The following PCDHA7 variants were observed in gnomAD, a reference collection of about 807,000 sequenced individuals.
PCDHA7 encodes the protein protocadherin alpha-7.
Under a neutral mutation model 57.2 loss-of-function variants are expected in PCDHA7, and 37 were observed. The observed-to-expected ratio is 0.65, with a 90% confidence interval of 0.50 to 0.85. The LOEUF is 0.85. Ranked by LOEUF, PCDHA7 falls within the 40% of genes least tolerant of loss-of-function variation. The pLI, the probability that PCDHA7 is intolerant of heterozygous loss-of-function variation, is 0.00. For missense variants in PCDHA7, 1,188 were observed against 1,241.8 expected (o/e 0.96, Z 0.65); for synonymous variants, 553 against 558.8 (o/e 0.99, Z 0.15).
chr5:140,939,028 C>T (rs1231920381), intron 1 of PCDHA7, among the ~76,000 whole-genome samples: 6 of 152,098 alleles, frequency 3.9e-5, no homozygotes, highest in East Asian at 1.9e-4. Context: ...TTTACTTATT[C>T]GGAAGAGTTG....
intron 1 of PCDHA7, among the ~76,000 whole-genome samples, chr5:140,903,607 A>G (rs938837767): frequency 6.6e-6 from 1 of 152,254 alleles, no homozygotes; most frequent in Non-Finnish European, 1.5e-5. Context: ...TGCTTAATAC[A>G]CATGAATGTG....
intron 1 of PCDHA7, chr5:140,856,437 C>T (rs2043996083): frequency 1.9e-6 from 3 of 1,598,304 alleles, no homozygotes; most frequent in Non-Finnish European, 1.7e-6. Flanking sequence ...GACAACCCGC[C>T]CAGGTTCTCC....
At position 140,850,532 on chromosome 5, in the gene PCDHA7, G is replaced by A. The variant is rs140380568; in HGVS notation, c.2355+13794G>A. 9.4e-6 allele frequency: 15 copies of A among 1,598,364 alleles called. 1 individual carries two copies. Among genetic ancestry groups the A allele is most frequent in the Admixed American group, 6.7e-5 (4 of 59,316 alleles). ...AGAGCGGCCAGGCGCCAAAGTCATC[G>A]TCGCGGGCGTCAGTGGGTGCCACGG... On this transcript the variant is annotated intron_variant, in intron 1 of 3. Transcript: ENST00000525929.
chr5:140,992,463 C>T (rs1416840803), intron 3 of PCDHA7, among the ~76,000 whole-genome samples: 1 of 152,162 alleles, frequency 6.6e-6, no homozygotes, highest in Non-Finnish European at 1.5e-5. Flanking sequence ...GAGGACAGTA[C>T]TCTTTAGATC....
chr5:140,978,240 C>G (rs1290697340), intron 1 of PCDHA7, among the ~76,000 whole-genome samples: 1 of 152,174 alleles, frequency 6.6e-6, no homozygotes, highest in African/African-American at 2.4e-5. Flanking sequence ...TGGATTTCAG[C>G]TACTCCCTGT....
intron 1 of PCDHA7, among the ~76,000 whole-genome samples, chr5:140,897,559 G>A (rs1554187454): frequency 6.6e-6 from 1 of 152,026 alleles, no homozygotes; most frequent in African/African-American, 2.4e-5. Context: ...TGGTGTATAT[G>A]TGCCACATTT....
chr5:140,951,145 T>G (rs2094553191), intron 1 of PCDHA7, among the ~76,000 whole-genome samples: 1 of 100,698 alleles, frequency 9.9e-6, no homozygotes, highest in South Asian at 2.6e-4. Flanking sequence ...TTTATCTTAT[T>G]GAATATAGTT....
chr5:140,850,365 G>T (rs2150481125), intron 1 of PCDHA7: 4 of 1,597,962 alleles, frequency 2.5e-6, no homozygotes, highest in Middle Eastern at 1.7e-4. Flanking sequence ...CCCGTTCCGC[G>T]TGGGGCTGTA....
At chr5:140,897,566 A>C (rs1461105293) in intron 1 of PCDHA7, among the ~76,000 whole-genome samples, 1 of 151,760 alleles carries the variant, frequency 6.6e-6, no homozygotes, top group Non-Finnish European at 1.5e-5. Flanking sequence ...TATGTGCCAC[A>C]TTTTCTTAAT....
At chr5:140,862,599 G>A (rs2047441695) in intron 1 of PCDHA7, 1 of 513,082 alleles carries the variant, frequency 1.9e-6, no homozygotes, top group East Asian at 5.2e-5. Context: ...AGTACATGGT[G>A]TTCGTGAAAG....
chr5:140,881,480 TTG>T, intron 1 of PCDHA7: 2 of 445,316 alleles, frequency 4.5e-6, no homozygotes, highest in Non-Finnish European at 5.9e-6. Context: ...GGCTAAATTA[TTG>T]TGTTTATGCA....
Position 140,843,361 on chromosome 5 carries a change from G to A in PCDHA7, c.2355+6623G>A, listed in dbSNP as rs2150358294. On this transcript the variant is annotated intron_variant, in intron 1 of 3. Transcript: ENST00000525929. ...GCGGCCAGGCTCCAAAAGCGTCATC[G>A]AGGCAGTCGGCTGGCGTTTTGGGTC... 3.8e-6 allele frequency: 6 copies of A among 1,596,046 alleles called. No individual in the cohort carries two copies. In the South Asian group the frequency reaches 5.5e-5, roughly 15 times the overall value.
chr5:140,873,995 GT>G (rs1354813199), intron 1 of PCDHA7, among the ~76,000 whole-genome samples: 2 of 152,166 alleles, frequency 1.3e-5, no homozygotes, highest in African/African-American at 4.8e-5. Context: ...AGCATGTATG[GT>G]ACATTGACCA....
chr5:140,890,097 C>G (rs1554184163), intron 1 of PCDHA7, among the ~76,000 whole-genome samples: 1 of 152,136 alleles, frequency 6.6e-6, no homozygotes, highest in African/African-American at 2.4e-5. Context: ...AATTTATTCC[C>G]AACTCTGGAT....
At chr5:140,869,418 C>T in intron 1 of PCDHA7, 2 of 1,614,174 alleles carry the variant, frequency 1.2e-6, no homozygotes, top group Middle Eastern at 1.6e-4. Context: ...GCAGCATCCA[C>T]CTGGAGGTGA....
chr5:140,870,339 G>A (rs1554164098), intron 1 of PCDHA7: 1 of 1,614,064 alleles, frequency 6.2e-7, no homozygotes, highest in East Asian at 2.2e-5. Context: ...ACAGCGCCCT[G>A]GACCGCGAGA....
chr5:141,008,678 G>C (rs1463545809), intron 3 of PCDHA7, among the ~76,000 whole-genome samples: 1 of 152,112 alleles, frequency 6.6e-6, no homozygotes, highest in Non-Finnish European at 1.5e-5. Flanking sequence ...ATATACTTTA[G>C]TTATTGCATG....
chr5:140,861,130 A>C (rs1554154191), intron 1 of PCDHA7: 1 of 153,606 alleles, frequency 6.5e-6, no homozygotes, highest in Non-Finnish European at 1.4e-5. Flanking sequence ...CATTAAGACC[A>C]CTTGGAACCT....
rs1398153775 is a variant in PCDHA7, at chr5:140,869,752, G to T, written c.2355+33014G>T. On this transcript the variant is annotated intron_variant, in intron 1 of 3. Coordinates refer to ENST00000525929, the MANE Select transcript of PCDHA7 (RefSeq NM_018910.3). ...TAATTTGCTGCTAACAGCTACAGAC[G>T]GGGGAAAACCAGAGCTTACTGGCAC... 12 of 1,613,018 alleles carry T rather than the reference G, an allele frequency of 7.4e-6. No homozygotes were observed. The highest frequency in any genetic ancestry group is 1.0e-5 in the Non-Finnish European group (12 of 1,179,744).
Sources: allele counts gnomAD v4.1 joint callset (sites outside exome capture counted in the v4.1 genomes callset), GRCh38; gene constraint gnomAD v4.1.1; transcripts MANE v1.5; gene names NCBI Gene and HGNC (gene_info 2026-07-23, HGNC 2026-07-21).